Variants in ABL1 observed in about 807,000 individuals in gnomAD.
The protein encoded by ABL1 is ABL proto-oncogene 1, non-receptor tyrosine kinase.
Under a neutral mutation model 94.7 loss-of-function variants are expected in ABL1, and 11 were observed. That is an observed-to-expected ratio of 0.12 (90% CI 0.07 to 0.19). The LOEUF is 0.19. Ranked by LOEUF, ABL1 falls within the 10% of genes least tolerant of loss-of-function variation. The pLI is 1.00. For missense variants in ABL1, 1,082 were observed against 1,489.4 expected (o/e 0.73, Z 4.50); for synonymous variants, 656 against 622.4 (o/e 1.05, Z -0.80).
intron 1 of ABL1, among the ~76,000 whole-genome samples, chr9:130,811,976 G>GA (rs1304763463): frequency 3.7e-5 from 5 of 135,486 alleles, no homozygotes; most frequent in Non-Finnish European, 6.4e-5. Context: ...AAAGATGGCA[G>GA]AAAAAAAAAC....
intron 1 of ABL1, among the ~76,000 whole-genome samples, chr9:130,771,085 T>TAA (rs757937396): frequency 5.3e-5 from 8 of 152,244 alleles, no homozygotes; most frequent in Non-Finnish European, 8.8e-5. Flanking sequence ...TACATGTATA[T>TAA]AACATCCTAT....
At chr9:130,729,562 C>A (rs1314095778) in intron 1 of ABL1, among the ~76,000 whole-genome samples, 1 of 152,154 alleles carries the variant, frequency 6.6e-6, no homozygotes. Flanking sequence ...TGCAACTTAC[C>A]TTATGTTTTT....
intron 1 of ABL1, among the ~76,000 whole-genome samples, chr9:130,747,851 A>G (rs942123710): frequency 1.3e-5 from 2 of 152,226 alleles, no homozygotes; most frequent in African/African-American, 4.8e-5. Flanking sequence ...CATAGGTTCC[A>G]GTAATTAGGA....
At chr9:130,730,439 C>G (rs1213124513) in intron 1 of ABL1, among the ~76,000 whole-genome samples, 1 of 152,078 alleles carries the variant, frequency 6.6e-6, no homozygotes, top group Non-Finnish European at 1.5e-5. Flanking sequence ...AGGTTAAGCA[C>G]CTTTTCATAT....
intron 1 of ABL1, among the ~76,000 whole-genome samples, chr9:130,818,983 T>G (rs1349057925): frequency 1.3e-5 from 2 of 152,210 alleles, no homozygotes; most frequent in African/African-American, 4.8e-5. Context: ...TTTTCTGGCC[T>G]TTGCAGTTCT....
At chr9:130,836,575 A>G (rs1402962066) in intron 1 of ABL1, among the ~76,000 whole-genome samples, 2 of 151,906 alleles carry the variant, frequency 1.3e-5, no homozygotes, top group African/African-American at 2.4e-5. Context: ...TGTAATCCCA[A>G]CACTTTGGGA....
chr9:130,761,767 G>GT (rs1303651957), intron 1 of ABL1, among the ~76,000 whole-genome samples: 7 of 151,746 alleles, frequency 4.6e-5, no homozygotes, highest in Admixed American at 3.3e-4. Flanking sequence ...AAAGTTACAG[G>GT]TTTTTTTTCT....
intron 3 of ABL1, among the ~76,000 whole-genome samples, chr9:130,855,797 T>C (rs1800609): frequency 0.16 from 23,752 of 152,228 alleles, 2,044 homozygotes; most frequent in African/African-American, 0.21. Flanking sequence ...AAAGAGATCT[T>C]GCCCGATGTC....
At position 130,885,876 on chromosome 9, in the gene ABL1, ACCTTCCTCCTCCCCGCT is replaced by A. The variant is rs907106064; in HGVS notation, c.*196_*212del. 27 of 674,302 alleles carry A rather than the reference ACCTTCCTCCTCCCCGCT, an allele frequency of 4.0e-5. No homozygotes were observed. Among genetic ancestry groups the A allele is most frequent in the Non-Finnish European group, 6.5e-5 (27 of 414,460 alleles). The allele number at this position is 674,302 out of a possible 1,614,324, so 41.8% of individuals were successfully genotyped here. Reference sequence around the variant, plus strand: ...ACGTTTGCACCGCCTGCCCTCCCGCACCTTCCTCCTCCCCGCTCCGTCTCTGTCCTCGAATTTTATCT... The same window carrying A: ...ACGTTTGCACCGCCTGCCCTCCCGCACCGTCTCTGTCCTCGAATTTTATCT... On this transcript the variant is annotated 3_prime_UTR_variant, in exon 11 of 11. Coordinates refer to ENST00000318560, the MANE Select transcript of ABL1 (RefSeq NM_005157.6).
Position 130,880,729 on chromosome 9 carries a change from C to T in ABL1, c.1678+65C>T. The T allele has an allele frequency of 1.9e-6, 3 of 1,561,040 alleles. No individual in the cohort carries two copies. Among genetic ancestry groups the T allele is most frequent in the Admixed American group, 1.9e-5 (1 of 53,784 alleles). The stretch of plus-strand genomic sequence containing the variant: ...TCCCTGCCAGAGGCTACATTCAGGC[C>T]ATCATAGGCCAACGGGAAGCTGTGA... On this transcript the variant is annotated intron_variant, in intron 10 of 10. Coordinates refer to ENST00000318560, the MANE Select transcript of ABL1 (RefSeq NM_005157.6). This position sits in a 1 kb window ranked among gnomAD's most constrained non-coding sequence, Gnocchi z 4.4.
intron 1 of ABL1, among the ~76,000 whole-genome samples, chr9:130,742,653 G>C (rs1345719653): frequency 6.6e-6 from 1 of 152,136 alleles, no homozygotes; most frequent in Non-Finnish European, 1.5e-5. Context: ...ATCTAAGTTT[G>C]GGGTTCAGTA....
At position 130,727,763 on chromosome 9, in the gene ABL1, C is replaced by CCACCA. The variant is rs1491522038; in HGVS notation, c.136+13308_136+13309insCACCA. ...AGAGTGAGACACCGCCCCCCCCCCC[C>CCACCA]AAAAAAAAGCATTTATTAGGAAACA... is the stretch of plus-strand genomic sequence containing the variant. On this transcript the variant is annotated intron_variant, in intron 1 of 10. Transcript: ENST00000372348. Among the ~76,000 whole-genome samples the CCACCA allele has an allele frequency of 1.7e-4, 20 of 114,400 alleles. 1 individual carries two copies. Among genetic ancestry groups the CCACCA allele is most frequent in the African/African-American group, 6.0e-4 (18 of 29,964 alleles). 75.1% of individuals were successfully genotyped at this position (114,400 alleles called of 152,430 possible).
chr9:130,762,924 AAAG>A (rs1832135196), intron 1 of ABL1, among the ~76,000 whole-genome samples: 1 of 151,676 alleles, frequency 6.6e-6, no homozygotes, highest in Non-Finnish European at 1.5e-5. Context: ...AAAAAAAAAA[AAAG>A]AAAAGGAAAC....
intron 1 of ABL1, among the ~76,000 whole-genome samples, chr9:130,843,108 A>C (rs1425768393): frequency 6.6e-6 from 1 of 152,188 alleles, no homozygotes; most frequent in Non-Finnish European, 1.5e-5. Flanking sequence ...ACAGATTATT[A>C]AACTGCACTT....
chr9:130,857,658 C>G (rs1199052270), intron 3 of ABL1, among the ~76,000 whole-genome samples: 1 of 151,350 alleles, frequency 6.6e-6, no homozygotes, highest in Non-Finnish European at 1.5e-5. Flanking sequence ...GCTGTCTTCA[C>G]ACATTCACTT....
intron 1 of ABL1, among the ~76,000 whole-genome samples, chr9:130,773,625 ACT>A (rs1482651047): frequency 7.4e-6 from 1 of 135,568 alleles, no homozygotes; most frequent in Non-Finnish European, 1.6e-5. Flanking sequence ...TGCCTGGCTA[ACT>A]CTTTTTTTTT....
intron 3 of ABL1, among the ~76,000 whole-genome samples, chr9:130,855,741 G>A (rs1474901053): frequency 6.6e-6 from 1 of 152,138 alleles, no homozygotes; most frequent in Non-Finnish European, 1.5e-5. Flanking sequence ...ATTGACTGAG[G>A]TATTGCTATA....
At chr9:130,789,084 C>T (rs1419107742) in intron 1 of ABL1, among the ~76,000 whole-genome samples, 1 of 152,090 alleles carries the variant, frequency 6.6e-6, no homozygotes, top group Non-Finnish European at 1.5e-5. Context: ...ATATAAGTAA[C>T]CTGCTCCTCA....
At chr9:130,737,111 GTTT>G (rs1831753973) in intron 1 of ABL1, among the ~76,000 whole-genome samples, 3 of 151,962 alleles carry the variant, frequency 2.0e-5, no homozygotes, top group Admixed American at 6.6e-5. Flanking sequence ...TTTTGTTTTA[GTTT>G]TTTAGTAAGG....
Sources: gnomAD v4.1 joint callset for allele counts (sites outside exome capture counted in the v4.1 genomes callset) on GRCh38, gnomAD v4.1.1 for gene constraint, Gnocchi (gnomAD v3.1) non-coding constraint, MANE v1.5 for transcripts, NCBI Gene and HGNC (gene_info 2026-07-23, HGNC 2026-07-21) for gene names.